PREPL: variants seen among roughly 807,000 people sequenced by gnomAD.
PREPL encodes prolyl endopeptidase like.
In PREPL, 77 loss-of-function variants were observed where a neutral mutation model predicts 70.6. The observed-to-expected ratio is 1.09, with a 90% CI of 0.91 to 1.32. The LOEUF (loss-of-function observed/expected upper bound fraction) is 1.32. Ranked by LOEUF, PREPL falls within the 40% of genes most tolerant of loss-of-function variation. The pLI is 0.00. For synonymous variants in PREPL, 315 were observed against 264.8 expected (o/e 1.19, Z -1.84); for missense variants, 1,002 against 778.2 (o/e 1.29, Z -3.42).
At chr2:44,338,227 A>G in intron 7 of PREPL, 124 bp downstream of exon 7, 1 of 946,816 alleles carries the variant, frequency 1.1e-6, no homozygotes, top group Non-Finnish European at 1.5e-6. Flanking sequence ...GCTAAATTCC[A>G]TTTAAGTTAC....
Position 44,329,082 on chromosome 2 carries a change from G to C in PREPL, c.1117C>G (p.His373Asp). The change falls in exon 9 of 14, where the codon CAC (histidine) becomes GAC (aspartate). Residue 373 changes from histidine to aspartate, a missense_variant. Coordinates refer to ENST00000409411, the MANE Select transcript of PREPL (RefSeq NM_001171613.2). The stretch of plus-strand genomic sequence containing the variant: ...TGCAAGTCCTCAGAGTCAGTTTTGT[G>C]GAAAACAGTCATTGGCACTAATTTT... ...DGKLVPMTVF[H>D]KTDSEDLQKK... 6.2e-7 allele frequency: 1 copy of C among 1,607,898 alleles called. No homozygotes were observed. The highest frequency in any genetic ancestry group is 2.2e-5 in the East Asian group (1 of 44,844).
At chr2:44,359,315 G>A (rs958522286) in intron 1 of PREPL, among the ~76,000 whole-genome samples, 3 of 152,006 alleles carry the variant, frequency 2.0e-5, no homozygotes, top group African/African-American at 7.2e-5. Context: ...TGATCTGCCT[G>A]CCTCGATGTA....
rs763016765 is a variant in PREPL, at chr2:44,332,612, G to T, written c.933C>A (p.Asp311Glu). The T allele has an allele frequency of 1.2e-6, 2 of 1,613,824 alleles. No homozygotes were observed. Among genetic ancestry groups the T allele is most frequent in the South Asian group, 2.2e-5 (2 of 91,068 alleles). Residue 311 changes from aspartate to glutamate, a missense_variant, in exon 8 of 14, where the codon GAC becomes GAA. Asp to Glu is a conservative substitution (Grantham distance 45). Coordinates refer to ENST00000409411, the MANE Select transcript of PREPL (RefSeq NM_001171613.2). Reference sequence around the variant, plus strand: ...AAAGTTGAAAGGGGCAGTTCTTTGGGTCAGAATTTGTATCCATTATGAATC... The same window carrying T: ...AAAGTTGAAAGGGGCAGTTCTTTGGTTCAGAATTTGTATCCATTATGAATC... ...ACGFIMDTNSDPKNCPFQLCS... is the reference protein window; with the variant it reads ...ACGFIMDTNSEPKNCPFQLCS...
At chr2:44,349,047 C>A (rs372780470) in intron 1 of PREPL, among the ~76,000 whole-genome samples, 90 of 152,318 alleles carry the variant, frequency 5.9e-4, no homozygotes, top group African/African-American at 2.1e-3. Flanking sequence ...TACAGTATCA[C>A]TCCATTAGTG....
intron 10 of PREPL, among the ~76,000 whole-genome samples, chr2:44,323,758 A>T (rs1355228948): frequency 6.6e-6 from 1 of 152,130 alleles, no homozygotes; most frequent in Admixed American, 6.5e-5. Flanking sequence ...TATTATATTA[A>T]AACAACAACA....
In PREPL at chr2:44,321,245, A is replaced by T. The variant is rs149880398; in HGVS notation, c.*111T>A. 2.1e-6 allele frequency: 2 copies of T among 972,434 alleles called. No homozygotes were observed. Among genetic ancestry groups the T allele is most frequent in the Non-Finnish European group, 3.0e-6 (2 of 657,328 alleles). The allele number at this position is 972,434 out of a possible 1,614,324, so 60.2% of individuals were successfully genotyped here. A position where few individuals can be genotyped will look rare whatever the true frequency, so the allele number is the denominator to read the frequency against. On this transcript the variant is annotated 3_prime_UTR_variant, in exon 14 of 14. Coordinates refer to ENST00000409411, the MANE Select transcript of PREPL (RefSeq NM_001171613.2). ...TTAGATGGAGAAGCACATTTTAAAA[A>T]ATTAATAACTTAAAAGTCTCAAGTT...
Position 44,319,288 on chromosome 2 carries a change from C to T in PREPL, c.*2068G>A, listed in dbSNP as rs1224304358. On this transcript the variant is annotated 3_prime_UTR_variant, in exon 14 of 14. Transcript: ENST00000409411. ...ATGAACATTATCACTGATTTGGCAA[C>T]AGCTCTTATGAAGAATAATTTGGCA... The T allele has an allele frequency of 6.6e-6, 1 of 152,612 alleles. No homozygotes were observed. Among genetic ancestry groups the T allele is most frequent in the South Asian group, 2.1e-4 (1 of 4,832 alleles). The allele number at this position is 152,612 out of a possible 1,614,324, so 9.5% of individuals were successfully genotyped here. A position where few individuals can be genotyped will look rare whatever the true frequency, so the allele number is the denominator to read the frequency against.
intron 10 of PREPL, 113 bp downstream of exon 10, chr2:44,326,599 T>C (rs1673523825): frequency 1.8e-6 from 2 of 1,110,068 alleles, no homozygotes; most frequent in African/African-American, 1.5e-5. Context: ...TTTCCCGAAG[T>C]GCTGGGATTA....
At chr2:44,341,491 T>C (rs889804079) in intron 5 of PREPL, among the ~76,000 whole-genome samples, 2 of 152,142 alleles carry the variant, frequency 1.3e-5, no homozygotes, top group Non-Finnish European at 2.9e-5. Context: ...GCTGTTTTTA[T>C]ATATTTTTGT....
chr2:44,323,902 T>C (rs1354955701), intron 10 of PREPL, among the ~76,000 whole-genome samples: 3 of 152,208 alleles, frequency 2.0e-5, no homozygotes, highest in African/African-American at 4.8e-5. Context: ...GATTACCATA[T>C]GATCCAGCAA....
chr2:44,341,641 A>G (rs1262667631), intron 5 of PREPL, among the ~76,000 whole-genome samples: 1 of 152,008 alleles, frequency 6.6e-6, no homozygotes, highest in Non-Finnish European at 1.5e-5. Flanking sequence ...AAAGAACTAG[A>G]CATTAATCTT....
At position 44,326,768 on chromosome 2, in the gene PREPL, G is replaced by C; in HGVS notation, c.1423C>G (p.Leu475Val). The C allele has an allele frequency of 6.2e-7, 1 of 1,614,162 alleles. No homozygotes were observed. Among genetic ancestry groups the C allele is most frequent in the Non-Finnish European group, 8.5e-7 (1 of 1,180,026 alleles). The change falls in exon 10 of 14, where the codon CTT (leucine) becomes GTT (valine). Residue 475 changes from leucine to valine, a missense_variant. By Grantham distance (32) the Leu-to-Val change is conservative. Coordinates refer to ENST00000409411, the MANE Select transcript of PREPL (RefSeq NM_001171613.2). The stretch of plus-strand genomic sequence containing the variant: ...TTAGAATTACACAATGCTCCTGCAA[G>C]CACCCCTCCAGCACTGAAAGCAGTC... ...TLTAFSAGGV[L>V]AGALCNSNPE...
intron 1 of PREPL, 146 bp from the exon 2 acceptor site, chr2:44,346,536 A>C: frequency 1.4e-6 from 1 of 722,712 alleles, no homozygotes; most frequent in Non-Finnish European, 2.3e-6. Flanking sequence ...CAGATTGTAA[A>C]TGTTCTTTCC....
At chr2:44,346,205 A>C in intron 2 of PREPL, 63 bp downstream of exon 2, 1 of 1,450,558 alleles carries the variant, frequency 6.9e-7, no homozygotes, top group Admixed American at 1.8e-5. Flanking sequence ...ATCACCAAGT[A>C]TCTCATTTGC....
intron 2 of PREPL, among the ~76,000 whole-genome samples, chr2:44,344,987 A>G (rs2104000783): frequency 6.6e-6 from 1 of 152,338 alleles, no homozygotes; most frequent in African/African-American, 2.4e-5. Flanking sequence ...TGTGGCTCAG[A>G]CTAGCCTGAA....
In PREPL at chr2:44,319,876, T is replaced by C. The variant is rs948750976; in HGVS notation, c.*1480A>G. The C allele has an allele frequency of 3.5e-6, 1 of 287,712 alleles. No individual in the cohort carries two copies. The highest frequency in any genetic ancestry group is 6.6e-6 in the Non-Finnish European group (1 of 151,010). 17.8% of individuals were successfully genotyped at this position (287,712 alleles called of 1,614,324 possible). On this transcript the variant is annotated 3_prime_UTR_variant, in exon 14 of 14. Transcript: ENST00000409411. The stretch of plus-strand genomic sequence containing the variant: ...ATATAGCACAGAATGACTATGCAAG[T>C]TAAATATTCATCTTAGACATGGACA...
At chr2:44,355,991 T>C (rs906863559) in intron 1 of PREPL, among the ~76,000 whole-genome samples, 9 of 152,156 alleles carry the variant, frequency 5.9e-5, no homozygotes, top group African/African-American at 2.2e-4. Context: ...GATAAAGAAA[T>C]GTGATATCTG....
intron 4 of PREPL, among the ~76,000 whole-genome samples, chr2:44,343,252 C>T (rs1675420512): frequency 6.6e-6 from 1 of 151,992 alleles, no homozygotes; most frequent in Non-Finnish European, 1.5e-5. Context: ...AACATATGTA[C>T]CACTCAATGA....
intron 1 of PREPL, 93 bp downstream of exon 1, chr2:44,361,287 T>G (rs1011364700): frequency 6.6e-6 from 1 of 150,444 alleles, no homozygotes; most frequent in Non-Finnish European, 1.5e-5. Context: ...GGGACATTAG[T>G]CAAAAAGCGA....
Sources: allele counts gnomAD v4.1 joint callset (sites outside exome capture counted in the v4.1 genomes callset), GRCh38; gene constraint gnomAD v4.1.1; transcripts MANE v1.5; gene names NCBI Gene and HGNC (gene_info 2026-07-23, HGNC 2026-07-21).